The following KHDC1 variants were observed in gnomAD, a reference collection of about 807,000 sequenced individuals.
KHDC1 encodes the protein KH domain containing 1.
Under a neutral mutation model 24.7 loss-of-function variants are expected in KHDC1, and 21 were observed. The observed-to-expected ratio is 0.85, with a 90% CI of 0.60 to 1.23. KHDC1 has a LOEUF of 1.23. KHDC1 is among the 50% of genes most tolerant of loss of function. The probability of loss-of-function intolerance (pLI) is 0.00; values close to 1 mark genes in which losing one functional copy is unlikely to be tolerated. For missense variants in KHDC1, 274 were observed against 298.5 expected (o/e 0.92, Z 0.61); for synonymous variants, 98 against 111.7 (o/e 0.88, Z 0.77).
In KHDC1 at chr6:73,242,940, C is replaced by A. The variant is rs377220993; in HGVS notation, c.207-410G>T. 3.9e-5 allele frequency among the ~76,000 whole-genome samples: 6 copies of A among 152,154 alleles called. No homozygotes were observed. In the South Asian group the frequency reaches 6.2e-4, roughly 16 times the overall value. On this transcript the variant is annotated intron_variant, in intron 2 of 4. Transcript: ENST00000370384. ...ACCCAATGACCAGAGTGTATTCCAA[C>A]AAGACGGGGTTTGTTTGGTGTGCTG... is the stretch of plus-strand genomic sequence containing the variant.
intron 1 of KHDC1, among the ~76,000 whole-genome samples, chr6:73,305,275 G>T (rs1361797975): frequency 1.3e-5 from 2 of 151,772 alleles, no homozygotes; most frequent in Non-Finnish European, 2.9e-5. Context: ...AATATAGAGA[G>T]AGATAATAAA....
At chr6:73,242,958 G>A (rs763896362) in intron 2 of KHDC1, among the ~76,000 whole-genome samples, 1 of 152,108 alleles carries the variant, frequency 6.6e-6, no homozygotes, top group Non-Finnish European at 1.5e-5. Flanking sequence ...GGTTTGTTTG[G>A]TGTGCTGCAT....
At chr6:73,302,278 G>A (rs1582590781) in intron 1 of KHDC1, among the ~76,000 whole-genome samples, 1 of 152,260 alleles carries the variant, frequency 6.6e-6, no homozygotes, top group South Asian at 2.1e-4. Context: ...AACAGAGCGA[G>A]ACTCTGTCTC....
At chr6:73,300,364 A>G (rs907475554) in intron 1 of KHDC1, 1 of 152,060 alleles carries the variant, frequency 6.6e-6, no homozygotes. Flanking sequence ...TTAATTAAAT[A>G]TTACCTGGTT....
intron 2 of KHDC1, among the ~76,000 whole-genome samples, chr6:73,251,225 TA>T (rs1766772792): frequency 6.6e-6 from 1 of 152,098 alleles, no homozygotes; most frequent in African/African-American, 2.4e-5. Context: ...GAAAAATAAA[TA>T]AATAATGAGA....
intron 2 of KHDC1, among the ~76,000 whole-genome samples, chr6:73,261,591 G>A (rs1366091966): frequency 2.0e-5 from 3 of 151,048 alleles, no homozygotes; most frequent in South Asian, 4.2e-4. Flanking sequence ...GCAATATGGT[G>A]AAACCCTGTC....
At chr6:73,307,751 G>T (rs1767997097) in intron 1 of KHDC1, among the ~76,000 whole-genome samples, 1 of 152,172 alleles carries the variant, frequency 6.6e-6, no homozygotes, top group South Asian at 2.1e-4. Context: ...CTGATCATAT[G>T]CATGCCTTGT....
intron 1 of KHDC1, among the ~76,000 whole-genome samples, chr6:73,303,181 T>C (rs1405241895): frequency 6.6e-6 from 1 of 152,124 alleles, no homozygotes; most frequent in Non-Finnish European, 1.5e-5. Context: ...AAGAAAAATA[T>C]CTCATGCTTT....
intron 2 of KHDC1, among the ~76,000 whole-genome samples, chr6:73,242,765 T>C (rs1325250309): frequency 2.0e-5 from 3 of 152,200 alleles, no homozygotes; most frequent in Non-Finnish European, 2.9e-5. Context: ...CTTGCCTTTC[T>C]GATGCCCCGG....
intron 2 of KHDC1, among the ~76,000 whole-genome samples, chr6:73,253,283 C>T (rs6914518): frequency 0.037 from 5,612 of 152,100 alleles, 177 homozygotes; most frequent in African/African-American, 0.092. Context: ...CTGCCGGGTA[C>T]GGTGGCTCAC....
rs748340701 is a variant in KHDC1 at position 73,309,610 on chromosome 6, G to T, written c.105C>A (p.Thr35=). 19 of 1,548,458 alleles carry T rather than the reference G, an allele frequency of 1.2e-5. No homozygotes were observed. In the South Asian group the frequency reaches 2.3e-4, roughly 19 times the overall value. ...CTGTCCCGATCAGGAGCATCGCAAG[G>T]GTCTGGAGAAAGGGCCATCCATAAA... The change falls in exon 1 of 5, where the codon ACC becomes ACA. Residue 35 remains threonine, a synonymous_variant. Transcript: ENST00000370384.
intron 1 of KHDC1, chr6:73,300,963 T>A (rs1000641864): frequency 6.6e-6 from 1 of 152,010 alleles, no homozygotes; most frequent in East Asian, 2.0e-4. Flanking sequence ...ACGCCTGTAA[T>A]CCCAGCACTT....
intron 2 of KHDC1, among the ~76,000 whole-genome samples, chr6:73,289,359 A>AG (rs869196802): frequency 2.7e-5 from 4 of 146,410 alleles, no homozygotes; most frequent in Admixed American, 1.4e-4. Flanking sequence ...AAAAAAAAAA[A>AG]GAATAAAATC....
At chr6:73,265,554 T>C (rs991934183) in intron 2 of KHDC1, among the ~76,000 whole-genome samples, 8 of 101,420 alleles carry the variant, frequency 7.9e-5, no homozygotes, top group Admixed American at 2.9e-4. Context: ...AAAAAAAAAG[T>C]AACGTGACTG....
chr6:73,283,958 AT>A (rs1767467276), intron 2 of KHDC1, among the ~76,000 whole-genome samples: 1 of 151,860 alleles, frequency 6.6e-6, no homozygotes, highest in Non-Finnish European at 1.5e-5. Flanking sequence ...CTTTGCAAAG[AT>A]TATGACACCG....
At chr6:73,283,679 C>T (rs1229448769) in intron 2 of KHDC1, among the ~76,000 whole-genome samples, 2 of 145,748 alleles carry the variant, frequency 1.4e-5, no homozygotes, top group South Asian at 2.2e-4. Context: ...CTCTCTCTGT[C>T]GCCCAGGCTG....
chr6:73,308,832 G>GT (rs1024271121), intron 1 of KHDC1, among the ~76,000 whole-genome samples: 14 of 151,728 alleles, frequency 9.2e-5, no homozygotes, highest in African/African-American at 2.4e-4. Context: ...TTTGTTTTTT[G>GT]TTTTTTTGTT....
intron 2 of KHDC1, among the ~76,000 whole-genome samples, chr6:73,261,588 G>A (rs1038695159): frequency 1.3e-5 from 2 of 151,574 alleles, no homozygotes; most frequent in African/African-American, 4.8e-5. Flanking sequence ...TGGGCAATAT[G>A]GTGAAACCCT....
intron 2 of KHDC1, among the ~76,000 whole-genome samples, chr6:73,266,986 G>A (rs1180582355): frequency 6.6e-6 from 1 of 152,062 alleles, no homozygotes; most frequent in African/African-American, 2.4e-5. Context: ...CCAGAAGTTC[G>A]AGACCAGCGT....
Sources: allele counts gnomAD v4.1 joint callset (sites outside exome capture counted in the v4.1 genomes callset), GRCh38; gene constraint gnomAD v4.1.1; transcripts MANE v1.5; gene names NCBI Gene and HGNC (gene_info 2026-07-23, HGNC 2026-07-21).